The following ZDHHC20 variants were observed in gnomAD, a reference collection of about 807,000 sequenced individuals.
ZDHHC20 encodes zDHHC palmitoyltransferase 20.
Under a neutral mutation model 57.8 loss-of-function variants are expected in ZDHHC20, and 43 were observed. That is an observed-to-expected ratio of 0.74 (90% CI 0.58 to 0.96). The LOEUF (loss-of-function observed/expected upper bound fraction) is 0.96. ZDHHC20 is among the 40% of genes least tolerant of loss of function. ZDHHC20 has a pLI of 0.00. For missense variants in ZDHHC20, 391 were observed against 441.1 expected, an observed-to-expected ratio of 0.89 and a Z score of 1.02; for synonymous variants, 157 against 153.0, an observed-to-expected ratio of 1.03 and a Z score of -0.19.
chr13:21,457,685 AC>A (rs1885039041), intron 1 of ZDHHC20, among the ~76,000 whole-genome samples: 1 of 152,312 alleles, frequency 6.6e-6, no homozygotes, highest in Admixed American at 6.5e-5. Context: ...TAATTTCAAA[AC>A]TTATAAATTT....
chr13:21,406,399 T>C (rs1690887247), intron 4 of ZDHHC20, among the ~76,000 whole-genome samples: 1 of 152,252 alleles, frequency 6.6e-6, no homozygotes, highest in African/African-American at 2.4e-5. Flanking sequence ...ATGTTTTTAT[T>C]ATTATACTTT....
chr13:21,384,600 G>A (rs911000601), intron 9 of ZDHHC20, among the ~76,000 whole-genome samples: 2 of 152,046 alleles, frequency 1.3e-5, no homozygotes, highest in African/African-American at 4.8e-5. Flanking sequence ...ATACTAAGCT[G>A]CACTTGTGAA....
intron 4 of ZDHHC20, chr13:21,404,188 A>G (rs895564008): frequency 2.5e-6 from 1 of 406,494 alleles, no homozygotes; most frequent in African/African-American, 2.1e-5. Flanking sequence ...AAAATTTTCC[A>G]TACAGAATAC....
rs878969403 is a variant in ZDHHC20 at position 21,382,843 on chromosome 13, C to T, written c.944+77G>A. 20 of 1,197,272 alleles carry T rather than the reference C, an allele frequency of 1.7e-5. No homozygotes were observed. The South Asian group carries it at 2.5e-4, about 15-fold the overall frequency. 74.2% of individuals were successfully genotyped at this position (1,197,272 alleles called of 1,614,324 possible). On this transcript the variant is annotated intron_variant, in intron 10 of 12. Transcript: ENST00000400590. ...TTACTAAATCACTACTGTATTTACTCATAAGATGTACACACAACACATGTA... is the reference window on the plus strand; with the variant it reads ...TTACTAAATCACTACTGTATTTACTTATAAGATGTACACACAACACATGTA...
At chr13:21,446,221 C>T (rs926217729) in intron 1 of ZDHHC20, among the ~76,000 whole-genome samples, 7 of 151,980 alleles carry the variant, frequency 4.6e-5, no homozygotes, top group South Asian at 4.2e-4. Flanking sequence ...ATTAGCTCTT[C>T]GGGGGATAAG....
Position 21,413,712 on chromosome 13 carries a change from G to C in ZDHHC20, c.310C>G (p.Gln104Glu). ...YEKEFSQERQQEILRRAARAL... is the reference protein window; with the variant it reads ...YEKEFSQERQEEILRRAARAL... Reference sequence around the variant, plus strand: ...CTTGCTGCTCTTCTCAAAATTTCTTGTTGTCTTTCTTGGCTGAATTCTTTT... The same window carrying C: ...CTTGCTGCTCTTCTCAAAATTTCTTCTTGTCTTTCTTGGCTGAATTCTTTT... The change falls in exon 4 of 13, where the codon CAA (glutamine) becomes GAA (glutamate). Residue 104 changes from glutamine to glutamate, a missense_variant. Physicochemically the swap from Gln to Glu is conservative, Grantham distance 29. Transcript: ENST00000400590. The C allele has an allele frequency of 1.9e-6, 3 of 1,611,490 alleles. No individual in the cohort carries two copies. Among genetic ancestry groups the C allele is most frequent in the Non-Finnish European group, 2.5e-6 (3 of 1,179,072 alleles).
chr13:21,376,831 G>A (rs1156581847), intron 12 of ZDHHC20, 176 bp from the exon 13 acceptor site: 2 of 384,870 alleles, frequency 5.2e-6, no homozygotes, highest in East Asian at 4.5e-5. Context: ...AAATGAGTGG[G>A]TATTACTGTC....
At chr13:21,395,735 C>T (rs1478943819) in intron 7 of ZDHHC20, among the ~76,000 whole-genome samples, 3 of 151,730 alleles carry the variant, frequency 2.0e-5, no homozygotes, top group Admixed American at 6.6e-5. Flanking sequence ...CTCCTGACCT[C>T]GTGATCCGCT....
chr13:21,392,573 C>A (rs1875936733), intron 7 of ZDHHC20, among the ~76,000 whole-genome samples: 1 of 152,164 alleles, frequency 6.6e-6, no homozygotes. Context: ...ATGAAAACAG[C>A]TTCTCTGGTA....
intron 3 of ZDHHC20, among the ~76,000 whole-genome samples, chr13:21,414,886 TA>T (rs1031230358): frequency 5.4e-5 from 8 of 148,064 alleles, no homozygotes; most frequent in Admixed American, 6.8e-5. Flanking sequence ...TTTCATAGAT[TA>T]AAAAAAAAAC....
intron 3 of ZDHHC20, among the ~76,000 whole-genome samples, chr13:21,415,717 T>G (rs1035384950): frequency 3.3e-5 from 5 of 152,222 alleles, no homozygotes; most frequent in Non-Finnish European, 7.3e-5. Flanking sequence ...CTCTTACATA[T>G]TCATAGTAGA....
intron 7 of ZDHHC20, among the ~76,000 whole-genome samples, chr13:21,398,100 GA>G (rs1358421510): frequency 2.6e-5 from 4 of 152,140 alleles, no homozygotes; most frequent in African/African-American, 9.7e-5. Flanking sequence ...TAAGTATCTT[GA>G]TTCTGGCTAT....
chr13:21,434,161 A>T (rs1028302785), intron 1 of ZDHHC20, among the ~76,000 whole-genome samples: 1 of 152,154 alleles, frequency 6.6e-6, no homozygotes, highest in African/African-American at 2.4e-5. Context: ...TAAATACCTG[A>T]TAAGTTGATA....
At position 21,400,416 on chromosome 13, in the gene ZDHHC20, A is replaced by G. The variant is rs756725361; in HGVS notation, c.551T>C (p.Phe184Ser). The G allele has an allele frequency of 6.2e-7, 1 of 1,603,138 alleles. No individual in the cohort carries two copies. The highest frequency in any genetic ancestry group is 1.7e-5 in the Admixed American group (1 of 57,940). The change falls in exon 7 of 13, where the codon TTC (phenylalanine) becomes TCC (serine). Residue 184 changes from phenylalanine (F) to serine (S), a missense_variant. Phe to Ser is a radical substitution (Grantham distance 155, BLOSUM62 -2). Transcript: ENST00000400590. Reference sequence around the variant, plus strand: ...GTACTCTAAAACTGTTGCAGCCACGAAAAGGCAATATAATAGGGAATACAA... The same window carrying G: ...GTACTCTAAAACTGTTGCAGCCACGGAAAGGCAATATAATAGGGAATACAA... ...FLLYSLLYCL[F>S]VAATVLEYFI...
rs560549385 is a variant in ZDHHC20 at position 21,442,937 on chromosome 13, T to C, written c.118+16117A>G. ...ATCTACATGGATGCTGTTTTAATTA[T>C]TGTTCATGCTGAGTTACACTGATTT... On this transcript the variant is annotated intron_variant, in intron 1 of 12. Transcript: ENST00000400590. Among the ~76,000 whole-genome samples the C allele has an allele frequency of 5.9e-5, 9 of 152,330 alleles. 1 individual carries two copies. In the South Asian group the frequency reaches 1.0e-3, roughly 18 times the overall value.
rs1252136435 is a variant in ZDHHC20 at position 21,375,744 on chromosome 13, G to C, written c.*952C>G. ...TTAGTCATTACCTACACTGAAATTT[G>C]AAAGTGAAGTCAACAGCATGCTTTA... On this transcript the variant is annotated 3_prime_UTR_variant, in exon 13 of 13. Transcript: ENST00000400590. The C allele has an allele frequency of 6.6e-6, 1 of 152,278 alleles. No individual in the cohort carries two copies. Among genetic ancestry groups the C allele is most frequent in the East Asian group, 1.9e-4 (1 of 5,200 alleles). 9.4% of individuals were successfully genotyped at this position (152,278 alleles called of 1,614,324 possible).
At chr13:21,439,720 T>C (rs1370205530) in intron 1 of ZDHHC20, among the ~76,000 whole-genome samples, 1 of 151,850 alleles carries the variant, frequency 6.6e-6, no homozygotes, top group Non-Finnish European at 1.5e-5. Flanking sequence ...GATTAAAGAG[T>C]AGTATTTAAT....
intron 9 of ZDHHC20, among the ~76,000 whole-genome samples, chr13:21,384,248 T>C (rs1244358155): frequency 6.6e-6 from 1 of 151,928 alleles, no homozygotes; most frequent in African/African-American, 2.4e-5. Flanking sequence ...AAGACCATCC[T>C]GGCCAACATG....
intron 5 of ZDHHC20, among the ~76,000 whole-genome samples, chr13:21,402,000 G>A (rs1877694526): frequency 6.6e-6 from 1 of 152,022 alleles, no homozygotes; most frequent in Non-Finnish European, 1.5e-5. Flanking sequence ...TTTGGGAGGT[G>A]GAGGCGATAG....
Sources: gnomAD v4.1 joint callset for allele counts (sites outside exome capture counted in the v4.1 genomes callset) on GRCh38, gnomAD v4.1.1 for gene constraint, MANE v1.5 for transcripts, NCBI Gene and HGNC (gene_info 2026-07-23, HGNC 2026-07-21) for gene names.